Variants in FRMD4B observed in about 807,000 individuals in gnomAD.
FRMD4B encodes the protein FERM domain containing 4B, also known as FERM domain-containing protein 4B.
A neutral mutation model predicts 141.5 loss-of-function variants in FRMD4B; 74 were observed. That is an observed-to-expected ratio of 0.52 (90% CI 0.43 to 0.63). FRMD4B has a LOEUF of 0.63. FRMD4B is among the 30% of genes least tolerant of loss of function. FRMD4B has a pLI of 0.00. For missense variants in FRMD4B, 1,366 were observed against 1,253.4 expected, an observed-to-expected ratio of 1.09 and a Z score of -1.36; for synonymous variants, 506 against 467.9, an observed-to-expected ratio of 1.08 and a Z score of -1.05.
chr3:69,313,556 G>C (rs555958510), intron 1 of FRMD4B, 39 bp from the exon 2 acceptor site: 2 of 1,276,386 alleles, frequency 1.6e-6, no homozygotes, highest in African/African-American at 2.9e-5. Flanking sequence ...TCAGGGCCAC[G>C]GCTGGCAAGC....
chr3:69,237,240 G>A (rs1223535201), intron 7 of FRMD4B, among the ~76,000 whole-genome samples: 1 of 152,232 alleles, frequency 6.6e-6, no homozygotes, highest in Admixed American at 6.5e-5. Flanking sequence ...GCCGGGAAAG[G>A]AAACACCCAG....
intron 5 of FRMD4B, among the ~76,000 whole-genome samples, chr3:69,283,967 A>ACAC (rs2093655511): frequency 8.8e-6 from 1 of 113,532 alleles, no homozygotes; most frequent in African/African-American, 3.4e-5. Flanking sequence ...AAACAAAACA[A>ACAC]AACAAAACAA....
intron 1 of FRMD4B, among the ~76,000 whole-genome samples, chr3:69,361,002 A>G (rs1177884923): frequency 6.6e-6 from 1 of 152,212 alleles, no homozygotes; most frequent in Non-Finnish European, 1.5e-5. Flanking sequence ...TAATTCATAC[A>G]AGAAAGGCAG....
intron 1 of FRMD4B, among the ~76,000 whole-genome samples, chr3:69,526,454 G>A (rs1700931840): frequency 6.6e-6 from 1 of 152,108 alleles, no homozygotes; most frequent in Non-Finnish European, 1.5e-5. Flanking sequence ...GCTTCTGGAC[G>A]AACTTGAATA....
rs186963983 is a variant in FRMD4B, at chr3:69,264,065, C to T, written c.502-13966G>A. Reference sequence around the variant, plus strand: ...CTCAAACTCCTGGCCTCAAGTGATCCGCCCACCTTGGCCTCTCAAAGTGTC... The same window carrying T: ...CTCAAACTCCTGGCCTCAAGTGATCTGCCCACCTTGGCCTCTCAAAGTGTC... On this transcript the variant is annotated intron_variant, in intron 5 of 22. Transcript: ENST00000398540. Among the ~76,000 whole-genome samples the T allele has an allele frequency of 3.5e-4, 53 of 152,060 alleles. No individual in the cohort carries two copies. In the East Asian group the frequency reaches 5.2e-3, roughly 15 times the overall value.
intron 7 of FRMD4B, among the ~76,000 whole-genome samples, chr3:69,241,709 C>A (rs2093385203): frequency 6.6e-6 from 1 of 151,916 alleles, no homozygotes; most frequent in African/African-American, 2.4e-5. Context: ...ACCAGTCTGG[C>A]CAACAAGGTA....
At chr3:69,361,104 T>C (rs1035632934) in intron 1 of FRMD4B, among the ~76,000 whole-genome samples, 36 of 152,356 alleles carry the variant, frequency 2.4e-4, no homozygotes, top group Non-Finnish European at 3.8e-4. Flanking sequence ...TTTGTCATTA[T>C]GAACATATGC....
At chr3:69,465,088 A>C (rs1010313687) in intron 1 of FRMD4B, among the ~76,000 whole-genome samples, 1 of 152,196 alleles carries the variant, frequency 6.6e-6, no homozygotes, top group Non-Finnish European at 1.5e-5. Flanking sequence ...TGGGAGGCCA[A>C]GGCAGGCAGA....
chr3:69,229,408 C>T (rs1328371393), intron 7 of FRMD4B, among the ~76,000 whole-genome samples: 1 of 152,072 alleles, frequency 6.6e-6, no homozygotes, highest in Non-Finnish European at 1.5e-5. Context: ...CAAATCTGGT[C>T]GTTTGTACTA....
In FRMD4B at chr3:69,170,512, C is replaced by T. The variant is rs1367925486; in HGVS notation, c.*1349G>A. The T allele has an allele frequency of 2.6e-5, 4 of 151,772 alleles. No homozygotes were observed. In the East Asian group the frequency reaches 5.8e-4, roughly 22 times the overall value. The allele number at this position is 151,772 out of a possible 1,614,324, so 9.4% of individuals were successfully genotyped here. A position where few individuals can be genotyped will look rare whatever the true frequency, so the allele number is the denominator to read the frequency against. On this transcript the variant is annotated 3_prime_UTR_variant, in exon 23 of 23. Transcript: ENST00000398540. ...ATCGTTTTTATGTATATATTACATG[C>T]TTTGGAATATAGATAGAAAATGTTC...
intron 18 of FRMD4B, among the ~76,000 whole-genome samples, chr3:69,188,649 C>A (rs375561278): frequency 3.3e-5 from 5 of 149,878 alleles, no homozygotes; most frequent in African/African-American, 9.8e-5. Flanking sequence ...CCCAGCTACT[C>A]GGGAGGCTGA....
At chr3:69,355,102 C>T (rs2107447978) in intron 1 of FRMD4B, among the ~76,000 whole-genome samples, 1 of 151,712 alleles carries the variant, frequency 6.6e-6, no homozygotes, top group Non-Finnish European at 1.5e-5. Flanking sequence ...CTATATAGCT[C>T]AAACAACTTG....
At chr3:69,183,544 G>A (rs2092732024) in intron 19 of FRMD4B, among the ~76,000 whole-genome samples, 1 of 137,292 alleles carries the variant, frequency 7.3e-6, no homozygotes, top group Non-Finnish European at 1.5e-5. Flanking sequence ...GTGCAGTGGT[G>A]TGATTTTGGC....
intron 1 of FRMD4B, among the ~76,000 whole-genome samples, chr3:69,465,102 T>C (rs1183857337): frequency 6.6e-6 from 1 of 152,040 alleles, no homozygotes; most frequent in East Asian, 1.9e-4. Context: ...AGGCAGATCA[T>C]GAGGTCAGGA....
intron 19 of FRMD4B, among the ~76,000 whole-genome samples, chr3:69,186,967 T>C (rs1253318589): frequency 6.6e-6 from 1 of 152,342 alleles, no homozygotes; most frequent in Admixed American, 6.5e-5. Context: ...CTGGTCTCAT[T>C]GCCCTGATAA....
chr3:69,176,613 G>T lies in FRMD4B; in HGVS notation c.2895C>A (p.Thr965=). The T allele has an allele frequency of 6.2e-7, 1 of 1,603,888 alleles. No homozygotes were observed. Among genetic ancestry groups the T allele is most frequent in the Non-Finnish European group, 8.5e-7 (1 of 1,170,690 alleles). ...GAGTCTCGTAATCCGACAGCCCTAT[G>T]GTTAACTGGGTCCTCCAGTTCCCAG... ...NASGNWRTQL[T]IGLSDYETPA... is the part of the protein sequence containing the mutation. The change falls in exon 22 of 23, where the codon ACC becomes ACA. Residue 965 remains threonine (T), a synonymous_variant. Coordinates refer to ENST00000398540, the MANE Select transcript of FRMD4B (RefSeq NM_015123.3).
At chr3:69,492,527 C>A (rs1226884848) in intron 1 of FRMD4B, among the ~76,000 whole-genome samples, 1 of 152,176 alleles carries the variant, frequency 6.6e-6, no homozygotes, top group African/African-American at 2.4e-5. Context: ...TGGAAGAAGG[C>A]ATGAGATATA....
chr3:69,301,118 T>C (rs1329717392), intron 4 of FRMD4B, among the ~76,000 whole-genome samples: 1 of 152,098 alleles, frequency 6.6e-6, no homozygotes, highest in Non-Finnish European at 1.5e-5. Context: ...AGGAAAGATC[T>C]CCACCCAGGT....
intron 1 of FRMD4B, among the ~76,000 whole-genome samples, chr3:69,495,564 C>A (rs906185185): frequency 9.2e-5 from 14 of 152,170 alleles, no homozygotes; most frequent in African/African-American, 3.4e-4. Context: ...TAGACAAGAG[C>A]ACGAATTTGG....
Sources: allele counts gnomAD v4.1 joint callset (sites outside exome capture counted in the v4.1 genomes callset), GRCh38; gene constraint gnomAD v4.1.1; transcripts MANE v1.5; gene names NCBI Gene and HGNC (gene_info 2026-07-23, HGNC 2026-07-21).